The following SETX variants were observed in gnomAD, a reference collection of about 807,000 sequenced individuals.
SETX encodes helicase senataxin.
SETX carries 90 observed loss-of-function variants against 227.2 expected under a neutral mutation model. That is an observed-to-expected ratio of 0.40 (90% confidence interval 0.33 to 0.47). The LOEUF (loss-of-function observed/expected upper bound fraction) is 0.47. Ranked by LOEUF, SETX falls within the 20% of genes least tolerant of loss-of-function variation. SETX has a pLI of 0.91. For missense variants in SETX, 3,052 were observed against 3,181.5 expected, an observed-to-expected ratio of 0.96 and a Z score of 0.98; for synonymous variants, 1,210 against 1,113.2, an observed-to-expected ratio of 1.09 and a Z score of -1.73.
intron 10 of SETX, among the ~76,000 whole-genome samples, chr9:132,314,368 C>T (rs1034051448): frequency 2.0e-5 from 3 of 151,918 alleles, no homozygotes; most frequent in African/African-American, 4.8e-5. Flanking sequence ...GGATTACAGG[C>T]ATGAGCCACC....
chr9:132,324,907 TGAATGCTTACACTAAA>T (rs1846610461), intron 10 of SETX, among the ~76,000 whole-genome samples: 1 of 152,204 alleles, frequency 6.6e-6, no homozygotes, highest in Non-Finnish European at 1.5e-5. Context: ...TAAACGCAGT[TGAATGCTTACACTAAA>T]GAATTATTTG....
At chr9:132,284,178 G>A (rs929771126) in intron 18 of SETX, among the ~76,000 whole-genome samples, 2 of 152,212 alleles carry the variant, frequency 1.3e-5, no homozygotes, top group Non-Finnish European at 2.9e-5. Context: ...AGCACTGTCA[G>A]ACACTGTCCT....
intron 15 of SETX, among the ~76,000 whole-genome samples, chr9:132,294,794 G>A (rs916903807): frequency 6.6e-6 from 1 of 152,184 alleles, no homozygotes; most frequent in Non-Finnish European, 1.5e-5. Flanking sequence ...GGCCACACAT[G>A]GTGAAGCAAC....
intron 23 of SETX, 55 bp from the exon 24 acceptor site, chr9:132,271,863 T>C (rs1470266087): frequency 6.8e-7 from 1 of 1,468,022 alleles, no homozygotes; most frequent in South Asian, 1.2e-5. Context: ...TTATTAAGTA[T>C]ACATATTTAT....
chr9:132,313,602 G>A (rs1263923421), intron 10 of SETX, among the ~76,000 whole-genome samples: 1 of 152,112 alleles, frequency 6.6e-6, no homozygotes. Flanking sequence ...TGCAGTTACA[G>A]GTTTATCTGT....
rs1372367311 is a variant in SETX at position 132,308,650 on chromosome 9, T to TG, written c.5374+3106dup. Among the ~76,000 whole-genome samples, 4 of 152,308 alleles carry TG rather than the reference T, an allele frequency of 2.6e-5. No individual in the cohort carries two copies. The East Asian group carries it at 7.7e-4, about 29-fold the overall frequency. Reference sequence around the variant, plus strand: ...GATAGTCACTAACATAGTCACTAACTGAAGATGACATGCAAAACCTCTCCA... The same window carrying TG: ...GATAGTCACTAACATAGTCACTAACTGGAAGATGACATGCAAAACCTCTCCA... On this transcript the variant is annotated intron_variant, in intron 11 of 25. Coordinates refer to ENST00000224140, the MANE Select transcript of SETX (RefSeq NM_015046.7).
At chr9:132,293,836 C>T (rs1296988696) in intron 15 of SETX, among the ~76,000 whole-genome samples, 1 of 152,156 alleles carries the variant, frequency 6.6e-6, no homozygotes. Context: ...TCCTGGCTAA[C>T]ACGGTGAAAC....
chr9:132,289,974 A>G (rs996721421), intron 15 of SETX, among the ~76,000 whole-genome samples: 1 of 152,050 alleles, frequency 6.6e-6, no homozygotes, highest in Non-Finnish European at 1.5e-5. Context: ...TTTGGGAGAT[A>G]TAAGTGGGCA....
intron 15 of SETX, among the ~76,000 whole-genome samples, chr9:132,294,768 T>C (rs1305828115): frequency 2.6e-5 from 4 of 152,182 alleles, no homozygotes; most frequent in Non-Finnish European, 5.9e-5. Flanking sequence ...TGACCGCAGG[T>C]GCACTCGAGA....
chr9:132,332,446 T>C (rs1412950491), intron 7 of SETX, among the ~76,000 whole-genome samples: 1 of 152,244 alleles, frequency 6.6e-6, no homozygotes, highest in East Asian at 1.9e-4. Flanking sequence ...TACGTCATCC[T>C]AGAACTTGTG....
rs1554805848 is a variant in SETX at position 132,278,142 on chromosome 9, T to C, written c.6770A>G (p.Gln2257Arg). Residue 2257 changes from glutamine (Q) to arginine (R), a missense_variant, in exon 21 of 26, where the codon CAG (glutamine) becomes CGG (arginine). By Grantham distance (43) the Gln-to-Arg change is conservative. This residue lies in a region of SETX where 412 missense variants were observed against 589.0 expected (regional missense o/e 0.70). Coordinates refer to ENST00000224140, the MANE Select transcript of SETX (RefSeq NM_015046.7). ...SRLPILQLTV[Q>R]YRMHPDICLF... ...GCATATGTCTGGATGCATCCTGTAC[T>C]GAACAGTGAGCTGTAGAATGGGCAG... 2 of 1,614,204 alleles carry C rather than the reference T, an allele frequency of 1.2e-6. No homozygotes were observed. The highest frequency in any genetic ancestry group is 1.7e-6 in the Non-Finnish European group (2 of 1,180,014).
intron 10 of SETX, among the ~76,000 whole-genome samples, chr9:132,322,169 A>G (rs1846403560): frequency 6.6e-6 from 1 of 152,126 alleles, no homozygotes; most frequent in South Asian, 2.1e-4. Context: ...ATCTTTTTTA[A>G]CCTATTGCTA....
At chr9:132,355,804 T>C (rs1848879640), upstream of SETX, among the ~76,000 whole-genome samples, 4 of 152,002 alleles carry the variant, frequency 2.6e-5, no homozygotes, top group Admixed American at 6.5e-5. Context: ...CTGACCAACA[T>C]GGTGAAACTC....
At chr9:132,354,794 T>C (rs1749133325) in intron 1 of SETX, 123 bp downstream of exon 1, 2 of 150,508 alleles carry the variant, frequency 1.3e-5, no homozygotes. Flanking sequence ...CGCCGACTCT[T>C]CCCCCATCCG....
intron 10 of SETX, among the ~76,000 whole-genome samples, chr9:132,320,803 T>C (rs1317433657): frequency 6.6e-6 from 1 of 151,818 alleles, no homozygotes; most frequent in Non-Finnish European, 1.5e-5. Flanking sequence ...AAAACAGCAT[T>C]GACCAATTAG....
intron 10 of SETX, among the ~76,000 whole-genome samples, chr9:132,320,143 G>T (rs889637113): frequency 1.3e-5 from 2 of 152,102 alleles, no homozygotes; most frequent in African/African-American, 4.8e-5. Context: ...TCTAAAAGTT[G>T]AATCTGTTCT....
intron 10 of SETX, among the ~76,000 whole-genome samples, chr9:132,318,392 T>C (rs1846122478): frequency 6.6e-6 from 1 of 152,224 alleles, no homozygotes; most frequent in African/African-American, 2.4e-5. Context: ...AGACAGGAAA[T>C]GCAGATGTTC....
At chr9:132,330,623 T>C (rs1231181511) in intron 9 of SETX, 124 bp from the exon 10 acceptor site, 5 of 759,450 alleles carry the variant, frequency 6.6e-6, no homozygotes, top group Admixed American at 2.0e-5. Context: ...ATCATTATTA[T>C]GCTATACAAT....
At chr9:132,299,250 C>G (rs942960302) in intron 12 of SETX, among the ~76,000 whole-genome samples, 1 of 152,166 alleles carries the variant, frequency 6.6e-6, no homozygotes, top group African/African-American at 2.4e-5. Context: ...GAAGGAAGTG[C>G]AGATGTCAGG....
Sources: allele counts gnomAD v4.1 joint callset (sites outside exome capture counted in the v4.1 genomes callset), GRCh38; gene constraint gnomAD v4.1.1; regional missense constraint gnomAD v4.1.1; transcripts MANE v1.5; gene names NCBI Gene and HGNC (gene_info 2026-07-23, HGNC 2026-07-21).